The following C6orf89 variants were observed in gnomAD, a reference collection of about 807,000 sequenced individuals.
C6orf89 encodes the protein bombesin receptor-activated protein C6orf89.
Under a neutral mutation model 40.7 loss-of-function variants are expected in C6orf89, and 29 were observed. That is an observed-to-expected ratio of 0.71 (90% CI 0.53 to 0.97). C6orf89 has a LOEUF of 0.97. Among genes scored for constraint, C6orf89 ranks in the 50% least tolerant of loss-of-function variants. The pLI is 0.00. For missense variants in C6orf89, 392 were observed against 429.1 expected (o/e 0.91, Z 0.76); for synonymous variants, 165 against 152.2 (o/e 1.08, Z -0.62).
intron 2 of C6orf89, among the ~76,000 whole-genome samples, chr6:36,897,497 A>G (rs755141933): frequency 4.7e-4 from 72 of 152,324 alleles, no homozygotes; most frequent in Non-Finnish European, 8.7e-4. Flanking sequence ...TGTAGTTTGT[A>G]CTGTCTTTTT....
chr6:36,877,451 C>T (rs900903587), intron 1 of C6orf89, among the ~76,000 whole-genome samples: 9 of 152,216 alleles, frequency 5.9e-5, no homozygotes, highest in Non-Finnish European at 1.3e-4. Context: ...CTGCCTCAGC[C>T]TCCCGAGTAG....
intron 1 of C6orf89, among the ~76,000 whole-genome samples, chr6:36,876,256 A>T (rs1031385309): frequency 6.6e-5 from 10 of 152,062 alleles, no homozygotes; most frequent in Non-Finnish European, 1.5e-4. Flanking sequence ...CACCCCCAAG[A>T]TCATGATCAC....
upstream of C6orf89, among the ~76,000 whole-genome samples, chr6:36,884,001 C>T (rs1213002384): frequency 6.6e-6 from 1 of 152,226 alleles, no homozygotes; most frequent in Non-Finnish European, 1.5e-5. The surrounding 1 kb of genome is among the most constrained non-coding windows in gnomAD (Gnocchi z 4.0). Flanking sequence ...ATGGCTGACA[C>T]CCGTAACCTC....
intron 2 of C6orf89, among the ~76,000 whole-genome samples, chr6:36,894,935 G>A (rs1366994899): frequency 6.6e-6 from 1 of 151,990 alleles, no homozygotes; most frequent in East Asian, 1.9e-4. Context: ...TTATTTTTTG[G>A]ATGCAGAAGT....
At chr6:36,896,987 G>T (rs906793314) in intron 2 of C6orf89, among the ~76,000 whole-genome samples, 9 of 151,876 alleles carry the variant, frequency 5.9e-5, no homozygotes, top group Non-Finnish European at 1.2e-4. Context: ...AAAATTTGCT[G>T]GGCGTGGTGG....
At chr6:36,911,931 C>CCG (rs60489092) in intron 4 of C6orf89, among the ~76,000 whole-genome samples, 1,993 of 25,922 alleles carry the variant, frequency 0.077, 86 homozygotes, top group African/African-American at 0.17. Context: ...TCACAGTGAA[C>CCG]CCCCCCCCCC....
intron 1 of C6orf89, among the ~76,000 whole-genome samples, chr6:36,877,539 C>T (rs1774692055): frequency 2.0e-5 from 3 of 152,174 alleles, no homozygotes; most frequent in Admixed American, 1.3e-4. Flanking sequence ...CCATGTTGGC[C>T]AGGATGGTCT....
At chr6:36,893,590 T>G (rs1420450210) in intron 1 of C6orf89, among the ~76,000 whole-genome samples, 3 of 152,218 alleles carry the variant, frequency 2.0e-5, no homozygotes, top group Non-Finnish European at 4.4e-5. Context: ...ACGTATTTTT[T>G]TGTGTGTGAT....
chr6:36,914,115 G>T (rs551452799), intron 4 of C6orf89, among the ~76,000 whole-genome samples, 169 bp from the exon 5 acceptor site: 20 of 152,270 alleles, frequency 1.3e-4, no homozygotes, highest in African/African-American at 4.1e-4. Context: ...GAGCTGGACG[G>T]CACCACTGCA....
chr6:36,919,775 C>T, intron 8 of C6orf89, 74 bp downstream of exon 8: 2 of 1,450,114 alleles, frequency 1.4e-6, no homozygotes, highest in Admixed American at 2.3e-5. Context: ...TTAAGAATCA[C>T]ATACTGCCTT....
intron 8 of C6orf89, among the ~76,000 whole-genome samples, chr6:36,922,184 G>GA (rs1762533627): frequency 1.3e-5 from 2 of 151,368 alleles, no homozygotes; most frequent in Admixed American, 6.6e-5. Flanking sequence ...ACTAAAAATA[G>GA]AAAAAATTAG....
rs116375030 is a variant in C6orf89, at chr6:36,910,677, G to C, written c.404-3607G>C. On this transcript the variant is annotated intron_variant, in intron 4 of 8. Coordinates refer to ENST00000480824, the MANE Select transcript of C6orf89 (RefSeq NM_001286635.2). ...TGGAAGGTCAAGGCGACAGTGAGCT[G>C]AGATGTGCCACTGTACTCCAGCCTG... Among the ~76,000 whole-genome samples, 1,216 of 151,680 alleles carry C rather than the reference G, an allele frequency of 8.0e-3. 18 individuals carry two copies. Among genetic ancestry groups the C allele is most frequent in the African/African-American group, 0.028 (1,161 of 41,356 alleles).
upstream of C6orf89, among the ~76,000 whole-genome samples, chr6:36,882,256 C>G (rs1367737505): frequency 2.0e-5 from 3 of 152,164 alleles, no homozygotes; most frequent in Non-Finnish European, 4.4e-5. Context: ...ATGTTTTAAA[C>G]CTTTGGTATT....
At chr6:36,874,715 A>C in intron 1 of C6orf89, 1 of 1,613,790 alleles carries the variant, frequency 6.2e-7, no homozygotes, top group Non-Finnish European at 8.5e-7. Context: ...GAACCCCCTC[A>C]CCTGGTCTCC....
intron 1 of C6orf89, among the ~76,000 whole-genome samples, chr6:36,888,193 T>C (rs1048921386): frequency 1.8e-4 from 27 of 152,216 alleles, no homozygotes; most frequent in Non-Finnish European, 3.5e-4. Context: ...TAGTGTCTCA[T>C]GGCCACACAG....
At position 36,926,832 on chromosome 6, in the gene C6orf89, C is replaced by G. The variant is rs1179786166; in HGVS notation, c.*3391C>G. The G allele has an allele frequency of 6.6e-6, 1 of 152,298 alleles. No individual in the cohort carries two copies. Among genetic ancestry groups the G allele is most frequent in the East Asian group, 1.9e-4 (1 of 5,184 alleles). 9.4% of individuals were successfully genotyped at this position (152,298 alleles called of 1,614,324 possible). A position where few individuals can be genotyped will look rare whatever the true frequency, so the allele number is the denominator to read the frequency against. ...GTAGGTAGCTGGTTCCATAGCACAT[C>G]ATTTTCCTGCGGCATCACGGCATGG... is the stretch of plus-strand genomic sequence containing the variant. On this transcript the variant is annotated 3_prime_UTR_variant, in exon 9 of 9. Coordinates refer to ENST00000480824, the MANE Select transcript of C6orf89 (RefSeq NM_001286635.2).
chr6:36,887,208 C>T (rs1481487668), intron 1 of C6orf89, among the ~76,000 whole-genome samples: 2 of 152,008 alleles, frequency 1.3e-5, no homozygotes, highest in East Asian at 3.8e-4. Context: ...TCCGCCTCCC[C>T]GGTTCACACC....
chr6:36,872,038 A>G, intron 1 of C6orf89: 1 of 571,846 alleles, frequency 1.7e-6, no homozygotes, highest in Non-Finnish European at 2.8e-6. Context: ...TGCAAGTAAC[A>G]TAAACACCCA....
intron 1 of C6orf89, among the ~76,000 whole-genome samples, chr6:36,877,732 TC>T (rs1380049166): frequency 1.3e-5 from 2 of 152,244 alleles, no homozygotes; most frequent in Non-Finnish European, 2.9e-5. Context: ...ATTTAAGGAA[TC>T]CTGAAGCCTC....
Sources: allele counts gnomAD v4.1 joint callset (sites outside exome capture counted in the v4.1 genomes callset), GRCh38; gene constraint gnomAD v4.1.1; non-coding constraint Gnocchi (gnomAD v3.1); transcripts MANE v1.5; gene names NCBI Gene and HGNC (gene_info 2026-07-23, HGNC 2026-07-21).